The following MINDY1 variants were observed in gnomAD, a reference collection of about 807,000 sequenced individuals.
The protein encoded by MINDY1 is MINDY lysine 48 deubiquitinase 1, also known as ubiquitin carboxyl-terminal hydrolase MINDY-1.
A neutral mutation model predicts 53.6 loss-of-function variants in MINDY1; 50 were observed. The ratio of observed to expected loss-of-function variants is 0.93; its 90% CI spans 0.74 to 1.18. MINDY1 has a LOEUF of 1.18. Among genes scored for constraint, MINDY1 ranks in the 50% most tolerant of loss-of-function variants. MINDY1 has a pLI of 0.00. For synonymous variants in MINDY1, 231 were observed against 234.7 expected, an observed-to-expected ratio of 0.98 and a Z score of 0.14; for missense variants, 484 against 578.6, an observed-to-expected ratio of 0.84 and a Z score of 1.68.
intron 1 of MINDY1, among the ~76,000 whole-genome samples, chr1:151,004,752 AAAATAAAATAAAAT>A (rs1672972382): frequency 7.0e-6 from 1 of 143,584 alleles, no homozygotes; most frequent in East Asian, 2.0e-4. Context: ...AAAATAAAAT[AAAATAAAATAAAAT>A]AAAATAAAAT....
At position 151,001,791 on chromosome 1, in the gene MINDY1, A is replaced by G. The variant is rs372261867; in HGVS notation, c.454-9T>C. The G allele has an allele frequency of 1.6e-4, 251 of 1,591,542 alleles. No homozygotes were observed. Among genetic ancestry groups the G allele is most frequent in the Non-Finnish European group, 2.1e-4 (246 of 1,173,562 alleles). On this transcript the variant is annotated splice_polypyrimidine_tract_variant and intron_variant, in intron 2 of 9. Transcript: ENST00000683666. ...TGCGGGGGGAGCTTCACCTGGAGGC[A>G]GAAGGGGTGATCACGTGTGTGCTTT...
At position 151,002,815 on chromosome 1, in the gene MINDY1, G is replaced by A; in HGVS notation, c.-89-109C>T. The A allele has an allele frequency of 6.9e-7, 1 of 1,458,500 alleles. No individual in the cohort carries two copies. The highest frequency in any genetic ancestry group is 9.0e-7 in the Non-Finnish European group (1 of 1,107,272). The allele number at this position is 1,458,500 out of a possible 1,614,324, so 90.3% of individuals were successfully genotyped here. A position where few individuals can be genotyped will look rare whatever the true frequency, so the allele number is the denominator to read the frequency against. On this transcript the variant is annotated intron_variant, in intron 1 of 9. Coordinates refer to ENST00000683666, the MANE Select transcript of MINDY1 (RefSeq NM_001376665.1). This position sits in a 1 kb window ranked among gnomAD's most constrained non-coding sequence, Gnocchi z 4.1. ...GGCTAGTGTTTGTGCAGTAACTCCT[G>A]GCTATGGGCAGTATATGTGTAAACA...
chr1:151,002,802 T>G lies in MINDY1; in HGVS notation c.-89-96A>C. ...AGTGTAGAAGGCTGGCTAGTGTTTG[T>G]GCAGTAACTCCTGGCTATGGGCAGT... On this transcript the variant is annotated intron_variant, in intron 1 of 9. Coordinates refer to ENST00000683666, the MANE Select transcript of MINDY1 (RefSeq NM_001376665.1). The surrounding 1 kb of genome is among the most constrained non-coding windows in gnomAD (Gnocchi z 4.1). 6.8e-7 allele frequency: 1 copy of G among 1,465,494 alleles called. No individual in the cohort carries two copies. The highest frequency in any genetic ancestry group is 9.0e-7 in the Non-Finnish European group (1 of 1,109,150). The allele number at this position is 1,465,494 out of a possible 1,614,324, so 90.8% of individuals were successfully genotyped here.
rs1210269547 is a variant in MINDY1, at chr1:150,997,699, C to A, written c.1254G>T (p.Gln418His). ...GCTGTTGATACTCCTCTTGCTGAAG[C>A]TGCTGGGCCAGCTCCAAGTCGGTAA... ...LGLTDLELAQ[Q>H]LQQEEYQQQQ... The change falls in exon 9 of 10, where the codon CAG becomes CAT. Residue 418 changes from glutamine to histidine, a missense_variant. Gln to His is a conservative substitution (Grantham distance 24). Coordinates refer to ENST00000683666, the MANE Select transcript of MINDY1 (RefSeq NM_001376665.1). 6.2e-7 allele frequency: 1 copy of A among 1,613,792 alleles called. No homozygotes were observed.
rs1673292820 is a variant in MINDY1 at position 151,006,895 on chromosome 1, G to T, written c.-673C>A. The T allele has an allele frequency of 2.0e-6, 2 of 985,294 alleles. No homozygotes were observed. The highest frequency in any genetic ancestry group is 2.3e-4 in the East Asian group (2 of 8,822). The allele number at this position is 985,294 out of a possible 1,614,324, so 61.0% of individuals were successfully genotyped here. A position where few individuals can be genotyped will look rare whatever the true frequency, so the allele number is the denominator to read the frequency against. ...CCTCTAGAAGGGACGGAGCGCTTGTGCCTCTCTGGTGAGAATAGGGAAGAG... is the reference window on the plus strand; with the variant it reads ...CCTCTAGAAGGGACGGAGCGCTTGTTCCTCTCTGGTGAGAATAGGGAAGAG... On this transcript the variant is annotated 5_prime_UTR_variant, in exon 1 of 10. Coordinates refer to ENST00000683666, the MANE Select transcript of MINDY1 (RefSeq NM_001376665.1).
chr1:150,999,563 A>G lies in MINDY1; in HGVS notation c.839-52T>C. ...AACTTGGCTTAAATTCAAGGTCCAC[A>G]ACAGGAAGGACCATCCAGAGAGCCC... On this transcript the variant is annotated intron_variant, in intron 6 of 9. Coordinates refer to ENST00000683666, the MANE Select transcript of MINDY1 (RefSeq NM_001376665.1). The surrounding 1 kb of genome is among the most constrained non-coding windows in gnomAD (Gnocchi z 4.4). The G allele has an allele frequency of 6.2e-7, 1 of 1,606,882 alleles. No homozygotes were observed. Among genetic ancestry groups the G allele is most frequent in the Non-Finnish European group, 8.5e-7 (1 of 1,178,068 alleles).
chr1:151,003,095 T>C (rs1364116230), intron 1 of MINDY1: 1 of 487,790 alleles, frequency 2.1e-6, no homozygotes, highest in Non-Finnish European at 2.8e-6. Context: ...TATGATGATC[T>C]TTAGCTTACT....
In MINDY1 at chr1:150,997,856, T is replaced by G. The variant is rs1672020857; in HGVS notation, c.1174-77A>C. On this transcript the variant is annotated intron_variant, in intron 8 of 9. Coordinates refer to ENST00000683666, the MANE Select transcript of MINDY1 (RefSeq NM_001376665.1). ...TCAGGCAAGGTTTCCAAATCAGTTT[T>G]CCCACATCCCTCAAATTCTCTAGCT... 3.4e-6 allele frequency: 5 copies of G among 1,451,728 alleles called. No homozygotes were observed. The South Asian group carries it at 5.3e-5, about 15-fold the overall frequency. The allele number at this position is 1,451,728 out of a possible 1,614,324, so 89.9% of individuals were successfully genotyped here. A position where few individuals can be genotyped will look rare whatever the true frequency, so the allele number is the denominator to read the frequency against.
At position 150,999,234 on chromosome 1, in the gene MINDY1, T is replaced by C; in HGVS notation, c.981+135A>G. 1 of 1,275,660 alleles carries C rather than the reference T, an allele frequency of 7.8e-7. No homozygotes were observed. Among genetic ancestry groups the C allele is most frequent in the Non-Finnish European group, 1.1e-6 (1 of 905,732 alleles). 79.0% of individuals were successfully genotyped at this position (1,275,660 alleles called of 1,614,324 possible). A position where few individuals can be genotyped will look rare whatever the true frequency, so the allele number is the denominator to read the frequency against. On this transcript the variant is annotated intron_variant, in intron 7 of 9. Transcript: ENST00000683666. This position sits in a 1 kb window ranked among gnomAD's most constrained non-coding sequence, Gnocchi z 4.4. ...GCACCAGGAGCGGGAAATGAACCTT[T>C]GTTGTGGTAAACCACAGGGATTTGA...
chr1:151,000,386 C>A, intron 5 of MINDY1, 71 bp downstream of exon 5: 1 of 1,502,244 alleles, frequency 6.7e-7, no homozygotes, highest in Non-Finnish European at 8.9e-7. Flanking sequence ...CTAACCTCTA[C>A]CCGACAAAAA....
Position 150,998,151 on chromosome 1 carries a change from A to G in MINDY1, c.1104T>C (p.His368=). The part of the protein sequence containing the change: ...CFCDSDFHLS[H]SLGKGPGAEG... ...CTGCTCCAGGCCCCTTGCCCAGGGAATGACTCAGGTGAAAGTCAGAGTCAC... is the reference window on the plus strand; with the variant it reads ...CTGCTCCAGGCCCCTTGCCCAGGGAGTGACTCAGGTGAAAGTCAGAGTCAC... The change falls in exon 8 of 10, where the codon CAT becomes CAC. Residue 368 remains histidine (H), a synonymous_variant. Coordinates refer to ENST00000683666, the MANE Select transcript of MINDY1 (RefSeq NM_001376665.1). The G allele has an allele frequency of 1.2e-6, 2 of 1,614,072 alleles. No homozygotes were observed. The highest frequency in any genetic ancestry group is 1.7e-6 in the Non-Finnish European group (2 of 1,180,034).
At chr1:151,005,773 T>A (rs1673126271) in intron 1 of MINDY1, among the ~76,000 whole-genome samples, 1 of 152,198 alleles carries the variant, frequency 6.6e-6, no homozygotes, top group Non-Finnish European at 1.5e-5. Flanking sequence ...GATAGTCAGA[T>A]AAATCAAAGT....
chr1:151,005,058 T>C (rs1007592521), intron 1 of MINDY1, among the ~76,000 whole-genome samples: 1 of 152,150 alleles, frequency 6.6e-6, no homozygotes, highest in Non-Finnish European at 1.5e-5. Flanking sequence ...TGCTTTTTTT[T>C]CTCTCTCTTT....
chr1:151,000,679 G>T, intron 4 of MINDY1, 64 bp from the exon 5 acceptor site: 1 of 1,515,278 alleles, frequency 6.6e-7, no homozygotes. Flanking sequence ...ACTCCCACCT[G>T]CAGAAATTAA....
chr1:151,000,467 A>T lies in MINDY1; in HGVS notation c.725T>A (p.Val242Asp). ...CCCTCCCACCCTCACCTGTGGATCA[A>T]CAAGCCAGCCATGGTACAGAGGTAT... ...LGIPLYHGWL[V>D]DPQSPEAVRA... is the part of the protein sequence containing the mutation. Residue 242 changes from valine (V) to aspartate (D), a missense_variant, in exon 5 of 10, where the codon GTT becomes GAT. By Grantham distance (152) the Val-to-Asp change is radical (BLOSUM62 -3). Transcript: ENST00000683666. 6.2e-7 allele frequency: 1 copy of T among 1,603,918 alleles called. No individual in the cohort carries two copies. The highest frequency in any genetic ancestry group is 8.5e-7 in the Non-Finnish European group (1 of 1,175,384).
At chr1:150,997,956 G>A (rs1558048442) in intron 8 of MINDY1, 126 bp downstream of exon 8, 2 of 1,195,590 alleles carry the variant, frequency 1.7e-6, no homozygotes, top group East Asian at 4.9e-5. Context: ...CAAGTGAGGA[G>A]ACGGTCTGAG....
chr1:151,008,377 A>G (rs996927897), upstream of MINDY1: 17 of 1,235,514 alleles, frequency 1.4e-5, no homozygotes, highest in African/African-American at 2.0e-4. Flanking sequence ...CGCCGGAAAG[A>G]CGTCCCAGGA....
chr1:151,001,871 A>G lies in MINDY1; in HGVS notation c.454-89T>C. On this transcript the variant is annotated intron_variant, in intron 2 of 9. Coordinates refer to ENST00000683666, the MANE Select transcript of MINDY1 (RefSeq NM_001376665.1). ...TGGAAAGGCAAGGGGGAGCTCCAGT[A>G]GTAGGGTGGGGTAGGAAAAAAGGCT... is the stretch of plus-strand genomic sequence containing the variant. 11 of 1,422,586 alleles carry G rather than the reference A, an allele frequency of 7.7e-6. No individual in the cohort carries two copies. In the South Asian group the frequency reaches 1.5e-4, roughly 19 times the overall value. 88.1% of individuals were successfully genotyped at this position (1,422,586 alleles called of 1,614,324 possible). A position where few individuals can be genotyped will look rare whatever the true frequency, so the allele number is the denominator to read the frequency against.
intron 1 of MINDY1, among the ~76,000 whole-genome samples, chr1:151,004,933 AGCCTAGTC>A (rs1302480771): frequency 6.6e-6 from 1 of 152,158 alleles, no homozygotes; most frequent in African/African-American, 2.4e-5. Context: ...AAACAAAATA[AGCCTAGTC>A]ACTCAAATTG....
Sources: allele counts gnomAD v4.1 joint callset (sites outside exome capture counted in the v4.1 genomes callset), GRCh38; gene constraint gnomAD v4.1.1; non-coding constraint Gnocchi (gnomAD v3.1); transcripts MANE v1.5; gene names NCBI Gene and HGNC (gene_info 2026-07-23, HGNC 2026-07-21).